CSMD2: variants seen among roughly 807,000 people sequenced by gnomAD.
CSMD2 encodes CUB and sushi domain-containing protein 2.
In CSMD2, 130 loss-of-function variants were observed where a neutral mutation model predicts 398.5. The observed-to-expected ratio is 0.33, with a 90% CI of 0.28 to 0.38. The LOEUF is 0.38. CSMD2 is among the 10% of genes least tolerant of loss of function. The pLI is 1.00. For synonymous variants in CSMD2, 1,828 were observed against 1,908.5 expected (o/e 0.96, Z 1.10); for missense variants, 3,829 against 4,764.9 (o/e 0.80, Z 5.78).
chr1:33,698,654 C>T, intron 24 of CSMD2, 99 bp downstream of exon 24: 1 of 1,162,562 alleles, frequency 8.6e-7, no homozygotes, highest in Non-Finnish European at 1.2e-6. Flanking sequence ...TGATGGCCCC[C>T]AGGCCCTGGA....
intron 12 of CSMD2, among the ~76,000 whole-genome samples, chr1:33,782,022 C>G (rs760192773): frequency 7.2e-5 from 11 of 152,040 alleles, no homozygotes; most frequent in Non-Finnish European, 1.0e-4. Context: ...CACCTGCCTG[C>G]CCCTAAGGTT....
At chr1:34,005,649 G>A (rs1229137671) in intron 3 of CSMD2, among the ~76,000 whole-genome samples, 1 of 152,160 alleles carries the variant, frequency 6.6e-6, no homozygotes, top group East Asian at 1.9e-4. Flanking sequence ...GTCTATGACT[G>A]AGTTTCTGCC....
chr1:33,999,368 T>C (rs1323935918), intron 3 of CSMD2, among the ~76,000 whole-genome samples: 7 of 152,134 alleles, frequency 4.6e-5, no homozygotes, highest in African/African-American at 1.7e-4. Flanking sequence ...GTATGGTAAC[T>C]AGATACTTTT....
chr1:33,975,670 G>C (rs999396548), intron 3 of CSMD2, among the ~76,000 whole-genome samples: 13 of 152,216 alleles, frequency 8.5e-5, no homozygotes, highest in South Asian at 4.2e-4. Context: ...GAACCACCAG[G>C]GGGGAGGGGA....
chr1:33,768,123 G>A (rs1183273348), intron 13 of CSMD2, among the ~76,000 whole-genome samples: 1 of 152,114 alleles, frequency 6.6e-6, no homozygotes, highest in East Asian at 1.9e-4. Context: ...TAATAAAATT[G>A]GCATTCTCCT....
chr1:33,823,025 A>C (rs1221860016), intron 7 of CSMD2, among the ~76,000 whole-genome samples: 1 of 152,110 alleles, frequency 6.6e-6, no homozygotes, highest in Non-Finnish European at 1.5e-5. Flanking sequence ...TTGCCCTCTC[A>C]TTCAGTATTG....
chr1:33,572,077 T>C (rs1659644128), intron 50 of CSMD2, among the ~76,000 whole-genome samples: 1 of 152,202 alleles, frequency 6.6e-6, no homozygotes. Context: ...TGTGGAGTAA[T>C]TCAAAATTTG....
chr1:33,591,341 G>C (rs1381374416), intron 44 of CSMD2, among the ~76,000 whole-genome samples: 3 of 152,102 alleles, frequency 2.0e-5, no homozygotes, highest in African/African-American at 7.2e-5. Flanking sequence ...GAGCTCACAT[G>C]GTTCATTTGA....
intron 25 of CSMD2, among the ~76,000 whole-genome samples, chr1:33,678,476 C>T (rs990897426): frequency 6.6e-6 from 1 of 152,058 alleles, no homozygotes; most frequent in Non-Finnish European, 1.5e-5. Flanking sequence ...ACACAATAAA[C>T]CCATCGCTGA....
chr1:33,974,283 T>C (rs368557281), intron 3 of CSMD2, among the ~76,000 whole-genome samples: 36 of 152,326 alleles, frequency 2.4e-4, no homozygotes, highest in African/African-American at 5.0e-4. Context: ...GTTGGTCACA[T>C]GGGCTCGCAC....
At chr1:33,788,768 T>C in intron 11 of CSMD2, 56 bp from the exon 12 acceptor site, 1 of 1,118,938 alleles carries the variant, frequency 8.9e-7, no homozygotes, top group East Asian at 2.4e-5. Context: ...CCGAATAGAA[T>C]GATTGCCTGA....
rs75273158 is a variant in CSMD2, at chr1:33,933,560, C to T, written c.712+2200G>A. On this transcript the variant is annotated intron_variant, in intron 4 of 70. Coordinates refer to ENST00000373381, the MANE Select transcript of CSMD2 (RefSeq NM_001281956.2). ...ACTATCATATTTCATATTCTATCAT[C>T]GTGTCACAACTCTGACACCCTCCTT... Among the ~76,000 whole-genome samples, 280 of 152,254 alleles carry T rather than the reference C, an allele frequency of 1.8e-3. 8 individuals are homozygous for T. In the East Asian group the frequency reaches 0.046, roughly 25 times the overall value.
At chr1:33,793,748 G>T (rs149183647) in intron 10 of CSMD2, among the ~76,000 whole-genome samples, 64 of 152,264 alleles carry the variant, frequency 4.2e-4, no homozygotes, top group African/African-American at 1.5e-3. Flanking sequence ...TGGAAGAGTA[G>T]CAGTGTGGAC....
intron 14 of CSMD2, among the ~76,000 whole-genome samples, chr1:33,739,856 A>C (rs1647000063): frequency 6.6e-6 from 1 of 152,088 alleles, no homozygotes. Context: ...GTCTGAAGCT[A>C]TTTCCTTTAT....
chr1:34,082,268 G>A (rs35209573), intron 2 of CSMD2, among the ~76,000 whole-genome samples: 40,085 of 144,238 alleles, frequency 0.28, 5,867 homozygotes, highest in Admixed American at 0.37. Context: ...ACTGAGGAGC[G>A]CCTCTGCCCG....
intron 1 of CSMD2, chr1:34,112,810 A>G (rs1170176486): frequency 6.6e-6 from 1 of 152,244 alleles, no homozygotes; most frequent in Non-Finnish European, 1.5e-5. Flanking sequence ...AAAGGATTCA[A>G]GCCAATTCAA....
At position 33,716,384 on chromosome 1, in the gene CSMD2, G is replaced by T. The variant is rs537982264; in HGVS notation, c.3119C>A (p.Ala1040Asp). The T allele has an allele frequency of 7.4e-6, 12 of 1,614,140 alleles. No individual in the cohort carries two copies. In the South Asian group the frequency reaches 1.1e-4, roughly 15 times the overall value. ...GCCATAGAGCCCAGCGCTGATGGGAGCTGGCAGCCGAGATCCAGTTAGCTG... is the reference window on the plus strand; with the variant it reads ...GCCATAGAGCCCAGCGCTGATGGGATCTGGCAGCCGAGATCCAGTTAGCTG... Reference protein sequence around the residue: ...LRQLTGSRLPAPISAGLYGNF... With the variant: ...LRQLTGSRLPDPISAGLYGNF... Residue 1040 changes from alanine (A) to aspartate (D), a missense_variant, in exon 20 of 71, where the codon GCT becomes GAT. Around this residue, in one of 5 missense-constraint regions of CSMD2, gnomAD observed 2,001 missense variants for 2,567.1 expected, o/e 0.78. Coordinates refer to ENST00000373381, the MANE Select transcript of CSMD2 (RefSeq NM_001281956.2).
rs752879133 is a variant in CSMD2, at chr1:33,518,845, T to C, written c.*53+620A>G. 2.0e-4 allele frequency among the ~76,000 whole-genome samples: 31 copies of C among 152,196 alleles called. No homozygotes were observed. Among genetic ancestry groups the C allele is most frequent in the Non-Finnish European group, 4.0e-4 (27 of 68,026 alleles). On this transcript the variant is annotated intron_variant, in intron 70 of 70. Transcript: ENST00000373381. This position sits in a 1 kb window ranked among gnomAD's most constrained non-coding sequence, Gnocchi z 4.3. ...ATATATTTATTTATATTTCTATCTC[T>C]ATATAACATTTACATATAGCTCTAC...
intron 5 of CSMD2, among the ~76,000 whole-genome samples, chr1:33,891,038 G>A (rs369414954): frequency 4.1e-4 from 62 of 152,170 alleles, no homozygotes; most frequent in East Asian, 1.9e-3. Flanking sequence ...ACAAAAGCCA[G>A]AATTGACAAA....
Sources: allele counts gnomAD v4.1 joint callset (sites outside exome capture counted in the v4.1 genomes callset), GRCh38; gene constraint gnomAD v4.1.1; regional missense constraint gnomAD v4.1.1; non-coding constraint Gnocchi (gnomAD v3.1); transcripts MANE v1.5; gene names NCBI Gene and HGNC (gene_info 2026-07-23, HGNC 2026-07-21).